The following CASTOR2 variants were observed in gnomAD, a reference collection of about 807,000 sequenced individuals.
The protein encoded by CASTOR2 is GATS protein like 2.
Under a neutral mutation model 31.2 loss-of-function variants are expected in CASTOR2, and 8 were observed. The ratio of observed to expected loss-of-function variants is 0.26; its 90% confidence interval spans 0.15 to 0.46. The LOEUF is 0.46. CASTOR2 is among the 20% of genes least tolerant of loss of function. The pLI, the probability that CASTOR2 is intolerant of heterozygous loss-of-function variation, is 0.99. For synonymous variants in CASTOR2, 162 were observed against 158.7 expected (o/e 1.02, Z -0.16); for missense variants, 216 against 382.1 (o/e 0.57, Z 3.62).
intron 1 of CASTOR2, among the ~76,000 whole-genome samples, chr7:74,986,915 G>T (rs1274842465): frequency 2.6e-5 from 4 of 152,038 alleles, no homozygotes; most frequent in Non-Finnish European, 4.4e-5. Context: ...AATTAGCCAG[G>T]TGTGGTGGCA....
intron 3 of CASTOR2, 98 bp from the exon 4 acceptor site, chr7:75,017,892 C>T: frequency 1.9e-6 from 3 of 1,613,552 alleles, no homozygotes; most frequent in Non-Finnish European, 1.7e-6. Flanking sequence ...CCACGCTATT[C>T]CAGGGTGGGG....
rs1020916745 is a variant in CASTOR2, at chr7:75,031,340, T to C, written c.*6641T>C. Among the ~76,000 whole-genome samples the C allele has an allele frequency of 3.3e-5, 5 of 151,976 alleles. No homozygotes were observed. The highest frequency in any genetic ancestry group is 7.4e-5 in the Non-Finnish European group (5 of 67,994). Reference sequence around the variant, plus strand: ...CGTTCCATCGCTCCCAAGATCTGGGTGAAGGGGAGAACCTGCCATCTTATC... The same window carrying C: ...CGTTCCATCGCTCCCAAGATCTGGGCGAAGGGGAGAACCTGCCATCTTATC... On this transcript the variant is annotated 3_prime_UTR_variant, in exon 9 of 9. Transcript: ENST00000616305.
intron 2 of CASTOR2, among the ~76,000 whole-genome samples, chr7:75,009,537 G>T (rs1185318653): frequency 6.6e-6 from 1 of 151,814 alleles, no homozygotes; most frequent in Non-Finnish European, 1.5e-5. Flanking sequence ...CAAAATGCTG[G>T]GATTACAGGC....
At chr7:75,016,116 C>T (rs1266827954) in intron 2 of CASTOR2, among the ~76,000 whole-genome samples, 4 of 152,130 alleles carry the variant, frequency 2.6e-5, no homozygotes, top group Admixed American at 2.0e-4. Context: ...AGTTCACCTC[C>T]CTGTGCCGTG....
intron 2 of CASTOR2, among the ~76,000 whole-genome samples, chr7:75,015,475 G>A (rs1483090820): frequency 2.0e-5 from 3 of 151,756 alleles, no homozygotes; most frequent in South Asian, 2.1e-4. Context: ...ATGGGGTCTC[G>A]CTACGTTCTC....
intron 2 of CASTOR2, among the ~76,000 whole-genome samples, chr7:75,008,979 T>C (rs1479519862): frequency 3.3e-5 from 5 of 152,090 alleles, no homozygotes; most frequent in Non-Finnish European, 7.4e-5. Context: ...TGTTTTGAGA[T>C]GGAGTCTCAC....
intron 1 of CASTOR2, among the ~76,000 whole-genome samples, chr7:74,991,372 GC>G (rs1473665734): frequency 5.3e-5 from 8 of 152,138 alleles, no homozygotes; most frequent in Non-Finnish European, 7.4e-5. Flanking sequence ...TCCATAGTGA[GC>G]AGGGGATGCC....
At chr7:75,009,425 G>A (rs1430050973) in intron 2 of CASTOR2, among the ~76,000 whole-genome samples, 4 of 150,860 alleles carry the variant, frequency 2.7e-5, no homozygotes, top group South Asian at 4.2e-4. Context: ...CCGCCACCAC[G>A]CCCGGCTAAT....
intron 1 of CASTOR2, among the ~76,000 whole-genome samples, chr7:74,977,349 G>T (rs1430828340): frequency 6.6e-6 from 1 of 151,564 alleles, no homozygotes; most frequent in Admixed American, 6.6e-5. Context: ...AGGTCCCTGT[G>T]GGCCATCCAC....
chr7:75,019,697 A>C (rs587628603), intron 5 of CASTOR2, among the ~76,000 whole-genome samples: 2 of 152,308 alleles, frequency 1.3e-5, no homozygotes, highest in South Asian at 4.1e-4. Flanking sequence ...ACATTGTGTC[A>C]CTTCCTCAGC....
At chr7:74,988,483 G>C (rs1163165278) in intron 1 of CASTOR2, among the ~76,000 whole-genome samples, 2 of 152,052 alleles carry the variant, frequency 1.3e-5, no homozygotes, top group African/African-American at 4.8e-5. Flanking sequence ...GTTTTTAGTA[G>C]AGACAGGGTT....
In CASTOR2 at chr7:75,007,885, G is replaced by A. The variant is rs1554438920; in HGVS notation, c.114-109G>A. ...CCCGCGGTCACCCCAGCAGCCTGGGGCCGGAACTCTGGGTGAACTGAGTCA... is the reference window on the plus strand; with the variant it reads ...CCCGCGGTCACCCCAGCAGCCTGGGACCGGAACTCTGGGTGAACTGAGTCA... On this transcript the variant is annotated intron_variant, in intron 1 of 8. Coordinates refer to ENST00000616305, the MANE Select transcript of CASTOR2 (RefSeq NM_001145064.3). 937 of 1,530,532 alleles carry A rather than the reference G, an allele frequency of 6.1e-4. 8 individuals carry two copies. The Middle Eastern group carries it at 9.0e-3, about 15-fold the overall frequency. 94.8% of individuals were successfully genotyped at this position (1,530,532 alleles called of 1,614,324 possible).
intron 1 of CASTOR2, among the ~76,000 whole-genome samples, chr7:74,972,562 G>A (rs1438439842): frequency 1.8e-4 from 27 of 149,432 alleles, no homozygotes; most frequent in Admixed American, 4.7e-4. Context: ...TTCCTGGGCC[G>A]GATCTGCTGA....
chr7:74,991,108 C>T (rs1554437286), intron 1 of CASTOR2, among the ~76,000 whole-genome samples: 1 of 151,174 alleles, frequency 6.6e-6, no homozygotes, highest in African/African-American at 2.4e-5. Context: ...AAAGAAAATG[C>T]CCTCGCACCT....
intron 1 of CASTOR2, among the ~76,000 whole-genome samples, chr7:74,980,532 GTGT>G (rs2131921058): frequency 9.2e-6 from 1 of 108,612 alleles, no homozygotes; most frequent in Non-Finnish European, 1.7e-5. Context: ...ACTTAGTGAG[GTGT>G]TGATTACATA....
chr7:74,972,740 C>T (rs1193104123), intron 1 of CASTOR2, among the ~76,000 whole-genome samples: 19 of 150,408 alleles, frequency 1.3e-4, no homozygotes, highest in African/African-American at 4.1e-4. Flanking sequence ...AGTGCAATGG[C>T]GCAATCTCGG....
chr7:74,990,666 C>G (rs1379532322), intron 1 of CASTOR2, among the ~76,000 whole-genome samples: 1 of 152,094 alleles, frequency 6.6e-6, no homozygotes, highest in Non-Finnish European at 1.5e-5. Context: ...ACCAGCCTGG[C>G]CAACATGGCA....
At chr7:74,984,578 GC>G (rs1804019432) in intron 1 of CASTOR2, among the ~76,000 whole-genome samples, 1 of 152,008 alleles carries the variant, frequency 6.6e-6, no homozygotes. Context: ...TGGAGGAAGG[GC>G]CCCAGGGACC....
intron 1 of CASTOR2, among the ~76,000 whole-genome samples, chr7:75,001,799 C>T (rs1398511918): frequency 6.6e-6 from 1 of 152,182 alleles, no homozygotes; most frequent in Non-Finnish European, 1.5e-5. Context: ...GAAGTAGACC[C>T]TTAAAGTATG....
Sources: gnomAD v4.1 joint callset for allele counts (sites outside exome capture counted in the v4.1 genomes callset) on GRCh38, gnomAD v4.1.1 for gene constraint, MANE v1.5 for transcripts, NCBI Gene and HGNC (gene_info 2026-07-23, HGNC 2026-07-21) for gene names.